Variants in MAPK10 observed in about 807,000 individuals in gnomAD.
MAPK10 encodes JNK3 alpha protein kinase.
In MAPK10, 25 loss-of-function variants were observed where a neutral mutation model predicts 59.3. The ratio of observed to expected loss-of-function variants is 0.42; its 90% confidence interval spans 0.31 to 0.59. The LOEUF (loss-of-function observed/expected upper bound fraction) is 0.59. MAPK10 is among the 20% of genes least tolerant of loss of function. MAPK10 has a pLI of 0.15. For missense variants in MAPK10, 351 were observed against 568.9 expected, an observed-to-expected ratio of 0.62 and a Z score of 3.90; for synonymous variants, 190 against 200.5, an observed-to-expected ratio of 0.95 and a Z score of 0.44.
At chr4:86,483,288 T>C (rs572399251) in intron 1 of MAPK10, among the ~76,000 whole-genome samples, 1 of 152,292 alleles carries the variant, frequency 6.6e-6, no homozygotes, top group South Asian at 2.1e-4. Flanking sequence ...GAAATGCCCA[T>C]ATTTTAGGTC....
rs144038752 is a variant in MAPK10 at position 86,524,575 on chromosome 4, C to T, written c.-263+69335G>A. On this transcript the variant is annotated intron_variant, in intron 1 of 4. Coordinates refer to the MAPK10 transcript ENST00000502302. ...GTCTTCTAAAGAGTCTACATTAACACCATACTAGGGTTGCCAGGTAAGATA... is the reference window on the plus strand; with the variant it reads ...GTCTTCTAAAGAGTCTACATTAACATCATACTAGGGTTGCCAGGTAAGATA... Among the ~76,000 whole-genome samples, 5 of 152,256 alleles carry T rather than the reference C, an allele frequency of 3.3e-5. No homozygotes were observed. In the East Asian group the frequency reaches 9.7e-4, roughly 29 times the overall value.
intron 1 of MAPK10, among the ~76,000 whole-genome samples, chr4:86,517,267 A>ATT (rs1756745150): frequency 8.4e-6 from 1 of 119,114 alleles, no homozygotes; most frequent in African/African-American, 3.0e-5. Context: ...ATGGTGTATT[A>ATT]TCTTTTTTTT....
At chr4:86,144,078 G>T (rs1350858923) in intron 4 of MAPK10, among the ~76,000 whole-genome samples, 1 of 151,938 alleles carries the variant, frequency 6.6e-6, no homozygotes. Context: ...CAAATTACTG[G>T]TATCTTTTTT....
In MAPK10 at chr4:86,200,897, A is replaced by G. The variant is rs190033755; in HGVS notation, c.-6-6490T>C. The stretch of plus-strand genomic sequence containing the variant: ...TCTTTTAGTTATTTTAAAATATACA[A>G]TAAATTATTGTCAACTAGAATCATC... On this transcript the variant is annotated intron_variant, in intron 2 of 13. Transcript: ENST00000641462. 2.2e-4 allele frequency among the ~76,000 whole-genome samples: 34 copies of G among 151,986 alleles called. 1 individual carries two copies. Among genetic ancestry groups the G allele is most frequent in the Admixed American group, 2.1e-3 (32 of 15,192 alleles).
At chr4:86,276,235 A>G (rs2094571530) in intron 2 of MAPK10, among the ~76,000 whole-genome samples, 1 of 152,002 alleles carries the variant, frequency 6.6e-6, no homozygotes, top group Non-Finnish European at 1.5e-5. Context: ...TTATCACACA[A>G]TGTGTCTATA....
intron 9 of MAPK10, among the ~76,000 whole-genome samples, chr4:86,088,766 A>G (rs1047743027): frequency 1.6e-4 from 25 of 152,278 alleles, no homozygotes; most frequent in African/African-American, 4.3e-4. Flanking sequence ...ACCAATTAGT[A>G]TTTGTGGAGG....
chr4:86,184,108 G>T (rs1045721004), intron 3 of MAPK10, among the ~76,000 whole-genome samples: 1 of 152,058 alleles, frequency 6.6e-6, no homozygotes, highest in Non-Finnish European at 1.5e-5. Context: ...CACTCTGATG[G>T]TAGTTTCTTT....
intron 1 of MAPK10, among the ~76,000 whole-genome samples, chr4:86,467,730 G>A (rs1752329245): frequency 6.6e-6 from 1 of 152,208 alleles, no homozygotes; most frequent in African/African-American, 2.4e-5. Context: ...ACGTTGGCCA[G>A]GATGGTCTCG....
intron 1 of MAPK10, among the ~76,000 whole-genome samples, chr4:86,444,991 C>A (rs1749863682): frequency 6.6e-6 from 1 of 152,138 alleles, no homozygotes; most frequent in Non-Finnish European, 1.5e-5. Context: ...TTAGTTCAAC[C>A]ATTGTGGAAG....
intron 9 of MAPK10, among the ~76,000 whole-genome samples, chr4:86,088,071 G>A (rs2052305178): frequency 6.6e-6 from 1 of 152,140 alleles, no homozygotes; most frequent in Non-Finnish European, 1.5e-5. Flanking sequence ...AAGTGACTAA[G>A]TGTAGAGGGA....
Position 86,437,965 on chromosome 4 carries a change from ATGT to A in MAPK10, c.-122+15062_-122+15064del, listed in dbSNP as rs557186833. Among the ~76,000 whole-genome samples, 66 of 152,374 alleles carry A rather than the reference ATGT, an allele frequency of 4.3e-4. No homozygotes were observed. In the East Asian group the frequency reaches 9.3e-3, roughly 21 times the overall value. On this transcript the variant is annotated intron_variant, in intron 1 of 13. Coordinates refer to the MAPK10 transcript ENST00000361569. ...ACTATCATGATTTAATCTCATAAAC[ATGT>A]TGTTCAAAAGTCAAACAAAAATGAA...
intron 2 of MAPK10, among the ~76,000 whole-genome samples, chr4:86,346,043 G>C (rs1474837003): frequency 6.6e-6 from 1 of 152,176 alleles, no homozygotes; most frequent in Admixed American, 6.6e-5. Flanking sequence ...GATGAAAACA[G>C]AATGTGTTTT....
At chr4:86,206,884 G>A (rs1315364129) in intron 2 of MAPK10, among the ~76,000 whole-genome samples, 1 of 152,152 alleles carries the variant, frequency 6.6e-6, no homozygotes, top group East Asian at 1.9e-4. Flanking sequence ...CCCACTTTTT[G>A]ATGGGGTTGT....
intron 2 of MAPK10, among the ~76,000 whole-genome samples, chr4:86,350,268 G>T (rs1457077252): frequency 6.6e-6 from 1 of 150,606 alleles, no homozygotes; most frequent in Non-Finnish European, 1.5e-5. Flanking sequence ...AGGCTGGAGT[G>T]CAGTGGCACG....
intron 2 of MAPK10, among the ~76,000 whole-genome samples, chr4:86,322,437 T>G (rs1310189478): frequency 6.6e-6 from 1 of 152,160 alleles, no homozygotes; most frequent in African/African-American, 2.4e-5. Context: ...ACGTCTAACA[T>G]AAATTAATTG....
At chr4:86,376,175 T>C (rs1461317712) in intron 1 of MAPK10, among the ~76,000 whole-genome samples, 1 of 152,218 alleles carries the variant, frequency 6.6e-6, no homozygotes, top group Non-Finnish European at 1.5e-5. Context: ...AAGGCTTATC[T>C]TTGAGTTTAG....
At chr4:86,304,439 C>A (rs1285695322) in intron 2 of MAPK10, among the ~76,000 whole-genome samples, 1 of 142,050 alleles carries the variant, frequency 7.0e-6, no homozygotes, top group Non-Finnish European at 1.5e-5. Context: ...TTAGCCCAGG[C>A]CGGATTGCAG....
At chr4:86,121,256 C>A (rs2059194139) in intron 4 of MAPK10, among the ~76,000 whole-genome samples, 1 of 152,146 alleles carries the variant, frequency 6.6e-6, no homozygotes, top group South Asian at 2.1e-4. Flanking sequence ...GATCAAGAAA[C>A]AGCCAGATTT....
chr4:86,401,211 T>A (rs527947813), intron 1 of MAPK10, among the ~76,000 whole-genome samples: 65 of 152,254 alleles, frequency 4.3e-4, no homozygotes, highest in African/African-American at 1.4e-3. Flanking sequence ...AAGGAGTTTA[T>A]CACTGGACTC....
Sources: allele counts gnomAD v4.1 joint callset (sites outside exome capture counted in the v4.1 genomes callset), GRCh38; gene constraint gnomAD v4.1.1; transcripts MANE v1.5; gene names NCBI Gene and HGNC (gene_info 2026-07-23, HGNC 2026-07-21).